PPP2R2B: variants seen among roughly 807,000 people sequenced by gnomAD.
PPP2R2B encodes the protein serine/threonine-protein phosphatase 2A 55 kDa regulatory subunit B beta isoform.
A neutral mutation model predicts 46.0 loss-of-function variants in PPP2R2B; 5 were observed. That is an observed-to-expected ratio of 0.11 (90% CI 0.06 to 0.23). PPP2R2B has a LOEUF of 0.23. Ranked by LOEUF, PPP2R2B falls within the 10% of genes least tolerant of loss-of-function variation. PPP2R2B has a pLI of 1.00. For synonymous variants in PPP2R2B, 215 were observed against 206.7 expected (o/e 1.04, Z -0.34); for missense variants, 367 against 575.0 (o/e 0.64, Z 3.70).
intron 5 of PPP2R2B, among the ~76,000 whole-genome samples, chr5:146,688,006 C>T (rs577949353): frequency 3.9e-5 from 6 of 152,244 alleles, no homozygotes; most frequent in East Asian, 3.9e-4. Context: ...ATTAATATCA[C>T]GTCAGCTCAT....
intron 6 of PPP2R2B, among the ~76,000 whole-genome samples, chr5:146,648,850 G>C (rs539874861): frequency 2.0e-4 from 30 of 152,314 alleles, no homozygotes; most frequent in South Asian, 2.1e-4. Context: ...TTAGTTGGCT[G>C]AAATGAAGTG....
chr5:146,910,152 T>A (rs1425423518), intron 1 of PPP2R2B, among the ~76,000 whole-genome samples: 2 of 152,238 alleles, frequency 1.3e-5, no homozygotes, highest in Non-Finnish European at 2.9e-5. Context: ...ATTTACAATT[T>A]GAAGTCTAAC....
chr5:146,855,197 CA>C (rs1271729124), intron 2 of PPP2R2B, among the ~76,000 whole-genome samples: 1 of 152,130 alleles, frequency 6.6e-6, no homozygotes, highest in African/African-American at 2.4e-5. Context: ...ATTGAAATTA[CA>C]ACAGATGTAA....
intron 2 of PPP2R2B, among the ~76,000 whole-genome samples, chr5:146,722,028 A>G (rs1409251243): frequency 6.6e-6 from 1 of 152,148 alleles, no homozygotes; most frequent in Non-Finnish European, 1.5e-5. Flanking sequence ...GGTAGATGTC[A>G]TTATTACTAC....
chr5:146,813,749 G>A (rs759582380), intron 2 of PPP2R2B, among the ~76,000 whole-genome samples: 49 of 152,144 alleles, frequency 3.2e-4, no homozygotes, highest in Non-Finnish European at 4.4e-4. Flanking sequence ...CCAAATAGCC[G>A]AATAATCAAA....
chr5:146,930,378 A>AT (rs575653554), intron 1 of PPP2R2B, among the ~76,000 whole-genome samples: 3 of 152,266 alleles, frequency 2.0e-5, no homozygotes, highest in South Asian at 2.1e-4. Flanking sequence ...GAAAAATAGC[A>AT]TTTTTTGTAG....
chr5:147,002,135 C>G (rs1194963059), intron 1 of PPP2R2B, among the ~76,000 whole-genome samples: 1 of 152,154 alleles, frequency 6.6e-6, no homozygotes, highest in African/African-American at 2.4e-5. Context: ...GTCTCTGGTG[C>G]TTTTCTATTT....
rs139266638 is a variant in PPP2R2B at position 146,909,347 on chromosome 5, C to T, written c.79+146318G>A. 8.3e-3 allele frequency among the ~76,000 whole-genome samples: 1,269 copies of T among 152,224 alleles called. 19 individuals carry two copies. The highest frequency in any genetic ancestry group is 0.028 in the African/African-American group (1,180 of 41,518). On this transcript the variant is annotated intron_variant, in intron 1 of 8. Transcript: ENST00000336640. ...CTGGGATATTCTTGGATTTTTATTC[C>T]AACCCCAATACACTTCAAAGAATGA...
intron 5 of PPP2R2B, among the ~76,000 whole-genome samples, chr5:146,690,185 C>T (rs557004144): frequency 3.9e-5 from 6 of 152,312 alleles, no homozygotes; most frequent in South Asian, 2.1e-4. Flanking sequence ...TTTTACAAGG[C>T]TGTTGGGGCT....
intron 2 of PPP2R2B, among the ~76,000 whole-genome samples, chr5:146,764,587 T>C (rs1304459849): frequency 6.6e-6 from 1 of 152,174 alleles, no homozygotes; most frequent in Non-Finnish European, 1.5e-5. Context: ...CCTTATCCCT[T>C]GATCACATAC....
At chr5:146,637,165 C>T (rs75994027) in intron 7 of PPP2R2B, among the ~76,000 whole-genome samples, 3,143 of 152,312 alleles carry the variant, frequency 0.021, 50 homozygotes, top group Admixed American at 0.062. Context: ...CTTACCTTTC[C>T]ATTGTACCCC....
intron 1 of PPP2R2B, among the ~76,000 whole-genome samples, chr5:147,051,120 C>A (rs572614063): frequency 6.6e-6 from 1 of 152,274 alleles, no homozygotes; most frequent in South Asian, 2.1e-4. Flanking sequence ...TGTAAATAGA[C>A]TGTTTCAATG....
chr5:146,705,996 A>C lies in PPP2R2B; in HGVS notation c.71-4854T>G, dbSNP rs970703134. On this transcript the variant is annotated intron_variant, in intron 2 of 9. Transcript: ENST00000394411. ...TTTGGACAGAAAAACAAAACAAAAC[A>C]AAACAAAAAACAATTGAATTGTTTT... is the stretch of plus-strand genomic sequence containing the variant. Among the ~76,000 whole-genome samples, 13 of 151,962 alleles carry C rather than the reference A, an allele frequency of 8.6e-5. 1 individual carries two copies. Among genetic ancestry groups the C allele is most frequent in the Non-Finnish European group, 1.5e-5 (1 of 67,982 alleles).
Position 146,984,742 on chromosome 5 carries a change from CT to C in PPP2R2B, c.79+70922del, listed in dbSNP as rs956934936. 3.2e-4 allele frequency among the ~76,000 whole-genome samples: 47 copies of C among 147,062 alleles called. 1 individual carries two copies. Among genetic ancestry groups the C allele is most frequent in the African/African-American group, 4.7e-4 (19 of 40,204 alleles). The stretch of plus-strand genomic sequence containing the variant: ...CATTCTCACCAACACTTATCTTTGG[CT>C]TTTTTTTTTAATAAAAGTAATTCTG... On this transcript the variant is annotated intron_variant, in intron 1 of 8. Transcript: ENST00000336640.
intron 2 of PPP2R2B, among the ~76,000 whole-genome samples, chr5:146,704,474 C>T (rs1779716033): frequency 6.6e-6 from 1 of 152,198 alleles, no homozygotes; most frequent in Non-Finnish European, 1.5e-5. Context: ...CCTAATCATG[C>T]TGTTGATCAA....
intron 2 of PPP2R2B, among the ~76,000 whole-genome samples, chr5:146,740,142 G>A (rs981955861): frequency 5.3e-5 from 8 of 152,310 alleles, no homozygotes; most frequent in African/African-American, 1.9e-4. Flanking sequence ...CTTCTCAGAG[G>A]TGAAATGCTA....
intron 1 of PPP2R2B, among the ~76,000 whole-genome samples, chr5:146,952,396 C>T (rs55694055): frequency 1.3e-5 from 2 of 152,202 alleles, no homozygotes; most frequent in African/African-American, 4.8e-5. Context: ...GGCTGTCAAT[C>T]AGGATGCCTT....
intron 4 of PPP2R2B, among the ~76,000 whole-genome samples, chr5:146,696,511 G>A (rs1403313089): frequency 6.6e-6 from 1 of 152,172 alleles, no homozygotes; most frequent in Non-Finnish European, 1.5e-5. Context: ...AAGTAATTAA[G>A]TCAAAATCAT....
chr5:146,688,059 G>T (rs940478515), intron 5 of PPP2R2B, among the ~76,000 whole-genome samples: 4 of 152,092 alleles, frequency 2.6e-5, no homozygotes, highest in Admixed American at 6.5e-5. Flanking sequence ...CTTCAGGGTT[G>T]CCTGCTTTTT....
Sources: allele counts gnomAD v4.1 joint callset (sites outside exome capture counted in the v4.1 genomes callset), GRCh38; gene constraint gnomAD v4.1.1; transcripts MANE v1.5; gene names NCBI Gene and HGNC (gene_info 2026-07-23, HGNC 2026-07-21).